Variants in UTRN observed in about 807,000 individuals in gnomAD.
UTRN encodes the protein dystrophin-related protein 1.
In UTRN, 283 loss-of-function variants were observed where a neutral mutation model predicts 463.9. The ratio of observed to expected loss-of-function variants is 0.61; its 90% CI spans 0.55 to 0.67. The LOEUF is 0.67. UTRN is among the 30% of genes least tolerant of loss of function. UTRN has a pLI of 0.00. For synonymous variants in UTRN, 1,442 were observed against 1,431.5 expected, an observed-to-expected ratio of 1.01 and a Z score of -0.17; for missense variants, 3,922 against 4,084.3, an observed-to-expected ratio of 0.96 and a Z score of 1.08.
rs1187841114 is a variant in UTRN at position 144,447,904 on chromosome 6, T to C, written c.1902+123T>C. The C allele has an allele frequency of 9.9e-6, 9 of 913,522 alleles. No homozygotes were observed. In the East Asian group the frequency reaches 1.2e-4, roughly 12 times the overall value. The allele number at this position is 913,522 out of a possible 1,614,324, so 56.6% of individuals were successfully genotyped here. ...TTGTTTCCTTACACCTGATGAAAAA[T>C]TGACATGTGAAAATCACCTTCAGTT... On this transcript the variant is annotated intron_variant, in intron 16 of 74. Coordinates refer to ENST00000367545, the MANE Select transcript of UTRN (RefSeq NM_007124.3).
chr6:144,344,061 G>T (rs984031981), intron 2 of UTRN: 152 of 984,472 alleles, frequency 1.5e-4, no homozygotes, highest in Non-Finnish European at 1.9e-4. Context: ...GGTTTAGTCA[G>T]ATCCTCTCAT....
rs73600192 is a variant in UTRN at position 144,575,871 on chromosome 6, A to G, written c.7290-1228A>G. 8.0e-3 allele frequency among the ~76,000 whole-genome samples: 1,215 copies of G among 152,214 alleles called. 22 individuals carry two copies. The highest frequency in any genetic ancestry group is 0.027 in the African/African-American group (1,108 of 41,552). On this transcript the variant is annotated intron_variant, in intron 50 of 74. Coordinates refer to ENST00000367545, the MANE Select transcript of UTRN (RefSeq NM_007124.3). ...TACTCTTAATTTCAGAAAATTTATC[A>G]TCCTCCAAAGAAACCCCATACCATT...
intron 48 of UTRN, among the ~76,000 whole-genome samples, chr6:144,552,066 G>T (rs993388774): frequency 1.3e-5 from 2 of 151,874 alleles, no homozygotes; most frequent in African/African-American, 4.8e-5. Context: ...GTGAATATCC[G>T]TCTTTCTGCC....
chr6:144,789,701 C>CT (rs921833837), intron 62 of UTRN, among the ~76,000 whole-genome samples: 1 of 151,926 alleles, frequency 6.6e-6, no homozygotes, highest in African/African-American at 2.4e-5. Flanking sequence ...AAAGCCTAAA[C>CT]TTTTTTTTAT....
At chr6:144,554,484 A>AT (rs1256559006) in intron 48 of UTRN, among the ~76,000 whole-genome samples, 6 of 151,878 alleles carry the variant, frequency 4.0e-5, no homozygotes, top group South Asian at 4.2e-4. Context: ...AGAGTTCAAG[A>AT]TTTTTTTTTC....
Position 144,423,629 on chromosome 6 carries a change from A to T in UTRN, c.312+3A>T, listed in dbSNP as rs1723432503. The T allele has an allele frequency of 1.2e-6, 2 of 1,614,102 alleles. No individual in the cohort carries two copies. Among genetic ancestry groups the T allele is most frequent in the African/African-American group, 2.7e-5 (2 of 74,946 alleles). ...TGCAGGTTTTACATCAGAACAATGT[A>T]AGTGTGTAATGTGAGTTCTGGGGGT... On this transcript the variant is annotated splice_donor_region_variant and intron_variant, in intron 5 of 74. Coordinates refer to ENST00000367545, the MANE Select transcript of UTRN (RefSeq NM_007124.3).
intron 43 of UTRN, among the ~76,000 whole-genome samples, chr6:144,534,594 A>G (rs1797364331): frequency 6.6e-6 from 1 of 152,240 alleles, no homozygotes; most frequent in South Asian, 2.1e-4. Flanking sequence ...TATGAAAGCA[A>G]GTTATCTTAG....
intron 2 of UTRN, among the ~76,000 whole-genome samples, chr6:144,352,949 C>CT (rs1232597166): frequency 5.3e-5 from 8 of 151,698 alleles, no homozygotes; most frequent in Admixed American, 2.6e-4. Flanking sequence ...TCTTCTTTTT[C>CT]TTTTTTTCTT....
chr6:144,312,373 G>A (rs1249792958), intron 2 of UTRN, among the ~76,000 whole-genome samples: 1 of 150,084 alleles, frequency 6.7e-6, no homozygotes, highest in Non-Finnish European at 1.5e-5. Context: ...GCAGTGAGCC[G>A]AGATTGCGCC....
intron 9 of UTRN, among the ~76,000 whole-genome samples, chr6:144,434,081 C>A (rs1325644607): frequency 6.6e-6 from 1 of 152,252 alleles, no homozygotes. Context: ...TAGACTCCGT[C>A]TGCAATCCCG....
chr6:144,355,492 C>G (rs1040326073), intron 2 of UTRN, among the ~76,000 whole-genome samples: 1 of 152,126 alleles, frequency 6.6e-6, no homozygotes, highest in Non-Finnish European at 1.5e-5. Context: ...AGCCACCATG[C>G]CTGGCCCATT....
rs1780315215 is a variant in UTRN at position 144,827,739 on chromosome 6, A to C, written c.9599+63A>C. On this transcript the variant is annotated intron_variant, in intron 68 of 74. Coordinates refer to ENST00000367545, the MANE Select transcript of UTRN (RefSeq NM_007124.3). ...ACCCAGAATGTATCTATGTCTAATTAATCTAATATCATTAATATACCTTGA... is the reference window on the plus strand; with the variant it reads ...ACCCAGAATGTATCTATGTCTAATTCATCTAATATCATTAATATACCTTGA... 6 of 1,525,166 alleles carry C rather than the reference A, an allele frequency of 3.9e-6. No homozygotes were observed. In the Admixed American group the frequency reaches 7.3e-5, roughly 19 times the overall value. 94.5% of individuals were successfully genotyped at this position (1,525,166 alleles called of 1,614,324 possible). A position where few individuals can be genotyped will look rare whatever the true frequency, so the allele number is the denominator to read the frequency against.
intron 54 of UTRN, among the ~76,000 whole-genome samples, chr6:144,744,417 G>T (rs4538733): frequency 0.46 from 65,090 of 141,208 alleles, 19,767 homozygotes; most frequent in East Asian, 0.87. Context: ...TTTTACTTAT[G>T]TATAATATAT....
intron 34 of UTRN, among the ~76,000 whole-genome samples, chr6:144,507,074 A>G (rs1794751630): frequency 6.6e-6 from 1 of 151,890 alleles, no homozygotes; most frequent in Non-Finnish European, 1.5e-5. Flanking sequence ...ATACATGTGT[A>G]TGCCTCATGA....
chr6:144,420,444 A>G (rs1187229888), intron 3 of UTRN, among the ~76,000 whole-genome samples: 1 of 152,210 alleles, frequency 6.6e-6, no homozygotes, highest in Non-Finnish European at 1.5e-5. Flanking sequence ...CTGATTTTCT[A>G]TGCGGTGATC....
chr6:144,676,651 T>A (rs1585942440), intron 51 of UTRN, among the ~76,000 whole-genome samples: 1 of 152,092 alleles, frequency 6.6e-6, no homozygotes, highest in African/African-American at 2.4e-5. Context: ...CATTAGGTAT[T>A]TCTCCTAATG....
intron 25 of UTRN, among the ~76,000 whole-genome samples, chr6:144,476,566 A>G (rs995520885): frequency 6.6e-6 from 1 of 152,148 alleles, no homozygotes; most frequent in Non-Finnish European, 1.5e-5. Flanking sequence ...CTGTGGGTGT[A>G]GGTGAAATGA....
At chr6:144,594,907 T>C (rs1035378074) in intron 51 of UTRN, among the ~76,000 whole-genome samples, 1 of 152,196 alleles carries the variant, frequency 6.6e-6, no homozygotes, top group African/African-American at 2.4e-5. Flanking sequence ...TTCTAATTCA[T>C]TGTGATAAAT....
intron 49 of UTRN, among the ~76,000 whole-genome samples, chr6:144,555,489 G>C (rs1303814971): frequency 6.6e-6 from 1 of 152,192 alleles, no homozygotes; most frequent in African/African-American, 2.4e-5. Context: ...CTGGAATGCA[G>C]TGGCACTATC....
Sources: allele counts gnomAD v4.1 joint callset (sites outside exome capture counted in the v4.1 genomes callset), GRCh38; gene constraint gnomAD v4.1.1; transcripts MANE v1.5; gene names NCBI Gene and HGNC (gene_info 2026-07-23, HGNC 2026-07-21).